TTC39C: variants seen among roughly 807,000 people sequenced by gnomAD.
The protein encoded by TTC39C is tetratricopeptide repeat protein 39C.
TTC39C carries 33 observed loss-of-function variants against 76.3 expected under a neutral mutation model. That is an observed-to-expected ratio of 0.43 (90% confidence interval 0.33 to 0.58). The LOEUF (loss-of-function observed/expected upper bound fraction) is 0.58. TTC39C is among the 20% of genes least tolerant of loss of function. The probability of loss-of-function intolerance (pLI) is 0.04; values close to 1 mark genes in which losing one functional copy is unlikely to be tolerated. For synonymous variants in TTC39C, 254 were observed against 260.6 expected (o/e 0.97, Z 0.24); for missense variants, 595 against 701.4 (o/e 0.85, Z 1.71).
chr18:24,108,645 A>G (rs2084775448), intron 6 of TTC39C, among the ~76,000 whole-genome samples: 1 of 152,242 alleles, frequency 6.6e-6, no homozygotes, highest in African/African-American at 2.4e-5. Context: ...GTACATTAGT[A>G]TGGAAATATC....
chr18:23,998,531 AC>A (rs1264798426), intron 1 of TTC39C, among the ~76,000 whole-genome samples: 5 of 151,960 alleles, frequency 3.3e-5, no homozygotes, highest in African/African-American at 1.2e-4. Flanking sequence ...AATTGCTTGA[AC>A]CCAGGAGGTG....
intron 6 of TTC39C, among the ~76,000 whole-genome samples, chr18:24,086,028 G>A (rs963392910): frequency 6.6e-6 from 1 of 152,194 alleles, no homozygotes; most frequent in South Asian, 2.1e-4. Flanking sequence ...CTGTGATATA[G>A]CCCTTGCCAA....
intron 1 of TTC39C, among the ~76,000 whole-genome samples, chr18:24,052,311 G>A (rs2145713015): frequency 6.6e-6 from 1 of 152,342 alleles, no homozygotes; most frequent in African/African-American, 2.4e-5. Flanking sequence ...TCTCTGAAGA[G>A]CGGGCGTATT....
chr18:24,116,649 A>G (rs2084895357), intron 7 of TTC39C, among the ~76,000 whole-genome samples: 1 of 152,110 alleles, frequency 6.6e-6, no homozygotes, highest in Admixed American at 6.6e-5. Context: ...TCTTCCTCCC[A>G]CGGTTTAAAT....
intron 1 of TTC39C, among the ~76,000 whole-genome samples, chr18:24,016,951 C>T (rs1037188488): frequency 5.9e-5 from 9 of 152,130 alleles, no homozygotes; most frequent in African/African-American, 1.7e-4. Flanking sequence ...AGTTTTGTAA[C>T]GAGGGACATG....
chr18:24,115,500 G>C (rs1475994122), intron 7 of TTC39C, among the ~76,000 whole-genome samples: 1 of 152,222 alleles, frequency 6.6e-6, no homozygotes, highest in Non-Finnish European at 1.5e-5. Flanking sequence ...AAAAAGGAAT[G>C]ACAGAGGCAA....
chr18:24,065,015 G>A (rs1337829291), intron 2 of TTC39C, among the ~76,000 whole-genome samples: 2 of 152,204 alleles, frequency 1.3e-5, no homozygotes, highest in Non-Finnish European at 2.9e-5. Context: ...CTGGGTGGCG[G>A]TTGTAACATT....
Position 24,083,045 on chromosome 18 carries a change from C to G in TTC39C, c.948C>G (p.Leu316=). 1.2e-6 allele frequency: 2 copies of G among 1,614,100 alleles called. No individual in the cohort carries two copies. Among genetic ancestry groups the G allele is most frequent in the Non-Finnish European group, 1.7e-6 (2 of 1,179,968 alleles). The change falls in exon 6 of 14, where the codon CTC becomes CTG. Residue 316 remains leucine, a synonymous_variant. Transcript: ENST00000317571. ...AAGCTGCTTATCCAAATTCTTCCCTCTTTATGTTTTTCAAGGGACGGATAC... is the reference window on the plus strand; with the variant it reads ...AAGCTGCTTATCCAAATTCTTCCCTGTTTATGTTTTTCAAGGGACGGATAC... ...KKEAAYPNSS[L]FMFFKGRIQR...
chr18:24,072,163 C>T (rs2145743728), intron 4 of TTC39C, among the ~76,000 whole-genome samples: 2 of 151,828 alleles, frequency 1.3e-5, no homozygotes. Context: ...AAACAAAGCT[C>T]CTTGTTGGAG....
At chr18:24,067,911 G>A (rs575002876) in intron 3 of TTC39C, among the ~76,000 whole-genome samples, 2 of 151,982 alleles carry the variant, frequency 1.3e-5, no homozygotes, top group African/African-American at 4.8e-5. Flanking sequence ...CTCCTCCCTC[G>A]TTTCCTGGTT....
At chr18:24,073,684 T>A (rs2084268840) in intron 4 of TTC39C, among the ~76,000 whole-genome samples, 1 of 152,104 alleles carries the variant, frequency 6.6e-6, no homozygotes, top group African/African-American at 2.4e-5. Context: ...CCTGGCTAAT[T>A]TTTTAAAAAT....
chr18:24,134,750 G>A lies in TTC39C; in HGVS notation c.*2176G>A, dbSNP rs2085180754. 6.6e-6 allele frequency: 1 copy of A among 151,940 alleles called. No individual in the cohort carries two copies. Among genetic ancestry groups the A allele is most frequent in the Non-Finnish European group, 1.5e-5 (1 of 67,988 alleles). 9.4% of individuals were successfully genotyped at this position (151,940 alleles called of 1,614,324 possible). On this transcript the variant is annotated 3_prime_UTR_variant, in exon 14 of 14. Coordinates refer to ENST00000317571, the MANE Select transcript of TTC39C (RefSeq NM_001135993.2). ...TTGAGAGTTCATTCTTGAATTTTCA[G>A]TTCAAAATATTGTTTGAACTATTAT...
chr18:24,023,946 G>C (rs201120467), intron 1 of TTC39C, among the ~76,000 whole-genome samples: 286 of 16,562 alleles, frequency 0.017, 39 homozygotes, highest in Middle Eastern at 0.12. Context: ...ATATATATAT[G>C]CATGTATATA....
intron 6 of TTC39C, among the ~76,000 whole-genome samples, chr18:24,096,145 C>T (rs751545375): frequency 5.3e-5 from 8 of 151,962 alleles, no homozygotes; most frequent in Non-Finnish European, 1.0e-4. Flanking sequence ...GGAGAATTAC[C>T]AAAATGTGAC....
chr18:24,084,462 G>A (rs903119325), intron 6 of TTC39C, among the ~76,000 whole-genome samples: 1 of 152,046 alleles, frequency 6.6e-6, no homozygotes, highest in Non-Finnish European at 1.5e-5. Flanking sequence ...TCCAGCCTGG[G>A]TGACAGAGTG....
At chr18:24,089,782 A>G (rs923869582) in intron 6 of TTC39C, among the ~76,000 whole-genome samples, 13 of 152,192 alleles carry the variant, frequency 8.5e-5, no homozygotes, top group African/African-American at 2.9e-4. Flanking sequence ...CTTTCTAGCA[A>G]TATTGCTAAA....
At chr18:24,028,084 C>G (rs1411691805) in intron 1 of TTC39C, among the ~76,000 whole-genome samples, 6 of 152,074 alleles carry the variant, frequency 3.9e-5, no homozygotes, top group Non-Finnish European at 8.8e-5. Context: ...ACACTCATTA[C>G]TTTGAGTTAT....
chr18:24,068,746 TC>T (rs2084200928), intron 3 of TTC39C, among the ~76,000 whole-genome samples: 1 of 152,224 alleles, frequency 6.6e-6, no homozygotes. Context: ...CCTAATGTTA[TC>T]CTACCTGAAG....
intron 1 of TTC39C, among the ~76,000 whole-genome samples, chr18:24,005,565 G>T (rs1224762029): frequency 6.6e-6 from 1 of 151,866 alleles, no homozygotes; most frequent in Non-Finnish European, 1.5e-5. Context: ...ATACAATCTG[G>T]CCAGGCAAGG....
Sources: allele counts gnomAD v4.1 joint callset (sites outside exome capture counted in the v4.1 genomes callset), GRCh38; gene constraint gnomAD v4.1.1; transcripts MANE v1.5; gene names NCBI Gene and HGNC (gene_info 2026-07-23, HGNC 2026-07-21).